SNX29: variants seen among roughly 807,000 people sequenced by gnomAD.
SNX29 encodes sorting nexin-29.
In SNX29, 78 loss-of-function variants were observed where a neutral mutation model predicts 102.1. The ratio of observed to expected loss-of-function variants is 0.76; its 90% CI spans 0.64 to 0.92. The LOEUF is 0.92. Among genes scored for constraint, SNX29 ranks in the 40% least tolerant of loss-of-function variants. The pLI, the probability that SNX29 is intolerant of heterozygous loss-of-function variation, is 0.00. For missense variants in SNX29, 1,280 were observed against 1,061.7 expected (o/e 1.21, Z -2.86); for synonymous variants, 580 against 414.5 (o/e 1.40, Z -4.85).
At chr16:12,195,740 A>G (rs1226749306) in intron 13 of SNX29, among the ~76,000 whole-genome samples, 2 of 152,196 alleles carry the variant, frequency 1.3e-5, no homozygotes, top group Non-Finnish European at 1.5e-5. Context: ...GTTAAAGGAT[A>G]TGGGTTTAAA....
At chr16:12,094,336 G>A (rs564164204) in intron 11 of SNX29, among the ~76,000 whole-genome samples, 33 of 152,194 alleles carry the variant, frequency 2.2e-4, no homozygotes, top group Non-Finnish European at 4.0e-4. Flanking sequence ...ACTGGTAGGT[G>A]TGATCATTAA....
chr16:12,474,176 C>G (rs1018527241), intron 18 of SNX29, among the ~76,000 whole-genome samples: 4 of 152,130 alleles, frequency 2.6e-5, no homozygotes, highest in Admixed American at 6.5e-5. Context: ...GTGATCTGAC[C>G]TCTCTGAGCC....
chr16:12,353,106 C>G (rs1370578729), intron 15 of SNX29, among the ~76,000 whole-genome samples: 2 of 152,148 alleles, frequency 1.3e-5, no homozygotes, highest in African/African-American at 4.8e-5. Context: ...CTCCGAGTCA[C>G]TCTAGCATAA....
In SNX29 at chr16:12,330,529, C is replaced by T. The variant is rs192959612; in HGVS notation, c.1783-25634C>T. Among the ~76,000 whole-genome samples the T allele has an allele frequency of 2.2e-3, 338 of 152,302 alleles. 1 individual carries two copies. The highest frequency in any genetic ancestry group is 7.8e-3 in the African/African-American group (323 of 41,576). ...CGCTTTCACTGCGAACTGTTTAATC[C>T]TCCCGACAGCTCTGGACGACAGGTG... On this transcript the variant is annotated intron_variant, in intron 15 of 20. Transcript: ENST00000566228.
At chr16:12,481,864 C>T (rs2087952086) in intron 19 of SNX29, among the ~76,000 whole-genome samples, 1 of 152,168 alleles carries the variant, frequency 6.6e-6, no homozygotes, top group African/African-American at 2.4e-5. Flanking sequence ...CCTTTGATTC[C>T]TTCTTTCTTT....
intron 15 of SNX29, among the ~76,000 whole-genome samples, chr16:12,310,072 A>G (rs1044676748): frequency 6.6e-6 from 1 of 151,756 alleles, no homozygotes; most frequent in African/African-American, 2.4e-5. Flanking sequence ...GCACGCACAT[A>G]CATACACATG....
chr16:12,468,370 T>G (rs1395855702), intron 18 of SNX29, among the ~76,000 whole-genome samples: 1 of 151,968 alleles, frequency 6.6e-6, no homozygotes, highest in Non-Finnish European at 1.5e-5. Context: ...AGACGGGGTT[T>G]CACCATGTTG....
chr16:12,319,034 G>C (rs144720457), intron 15 of SNX29, among the ~76,000 whole-genome samples: 3 of 152,116 alleles, frequency 2.0e-5, no homozygotes, highest in Non-Finnish European at 4.4e-5. Flanking sequence ...TGGAGGCCTG[G>C]GGAGTTTCTT....
intron 20 of SNX29, among the ~76,000 whole-genome samples, chr16:12,541,614 A>G (rs953380308): frequency 6.6e-6 from 1 of 152,070 alleles, no homozygotes; most frequent in Non-Finnish European, 1.5e-5. Flanking sequence ...TCTGGGCCAC[A>G]TCTCTGTCGG....
intron 16 of SNX29, among the ~76,000 whole-genome samples, chr16:12,379,628 A>C (rs1238723381): frequency 6.6e-6 from 1 of 152,230 alleles, no homozygotes; most frequent in Non-Finnish European, 1.5e-5. Flanking sequence ...GGTGATTATA[A>C]AAGGGATGTT....
At chr16:12,213,152 G>A (rs548458633) in intron 14 of SNX29, among the ~76,000 whole-genome samples, 5 of 152,080 alleles carry the variant, frequency 3.3e-5, no homozygotes, top group East Asian at 3.9e-4. Flanking sequence ...AAAACTACTC[G>A]GACATAAAGA....
At chr16:12,457,686 T>C (rs1272312693) in intron 18 of SNX29, among the ~76,000 whole-genome samples, 1 of 152,220 alleles carries the variant, frequency 6.6e-6, no homozygotes, top group Non-Finnish European at 1.5e-5. Flanking sequence ...TGGCACACGT[T>C]AGCCTCTGCC....
At chr16:12,271,714 C>T (rs993132383) in intron 14 of SNX29, among the ~76,000 whole-genome samples, 2 of 151,984 alleles carry the variant, frequency 1.3e-5, no homozygotes, top group Admixed American at 6.5e-5. Flanking sequence ...CCTCCGCCTC[C>T]TGGGTTCAAG....
At position 12,277,952 on chromosome 16, in the gene SNX29, T is replaced by C; in HGVS notation, c.1698T>C (p.Val566=). The change falls in exon 15 of 21, where the codon GTT becomes GTC. Residue 566 remains valine, a synonymous_variant. Transcript: ENST00000566228. ...CTAAAGTGCCAAATCTTTGGAGTGT[T>C]GATGGAGAAGTTACAGTAGCTGAAC... The part of the protein sequence containing the change: ...QTAEVPNLWS[V]DGEVTVAEQK... The C allele has an allele frequency of 6.2e-7, 1 of 1,608,550 alleles. No homozygotes were observed. Among genetic ancestry groups the C allele is most frequent in the Non-Finnish European group, 8.5e-7 (1 of 1,177,420 alleles).
At chr16:12,127,667 C>A (rs1250902345) in intron 12 of SNX29, among the ~76,000 whole-genome samples, 3 of 152,104 alleles carry the variant, frequency 2.0e-5, no homozygotes, top group African/African-American at 7.2e-5. Context: ...AGTAATCTGC[C>A]CACCTTGGCC....
intron 16 of SNX29, chr16:12,373,788 A>G (rs563167860): frequency 5.4e-4 from 83 of 152,358 alleles, no homozygotes; most frequent in African/African-American, 2.0e-3. Flanking sequence ...GAAATGAAGC[A>G]TTCTGTGCCT....
In SNX29 at chr16:12,476,421, T is replaced by TATATATATAC. The variant is rs2087639179; in HGVS notation, c.2038-1289_2038-1288insCATATATATA. ...ATATATATATATATATACATATATATATATATATATATATATATATATGAT... is the reference window on the plus strand; with the variant it reads ...ATATATATATATATATACATATATATATATATATACATATATATATATATATATATATGAT... On this transcript the variant is annotated intron_variant, in intron 18 of 20. Coordinates refer to ENST00000566228, the MANE Select transcript of SNX29 (RefSeq NM_032167.5). Among the ~76,000 whole-genome samples, 32 of 51,950 alleles carry TATATATATAC rather than the reference T, an allele frequency of 6.2e-4. 1 individual carries two copies. Among genetic ancestry groups the TATATATATAC allele is most frequent in the Non-Finnish European group, 1.1e-3 (28 of 26,330 alleles). The allele number at this position is 51,950 out of a possible 152,430, so 34.1% of individuals were successfully genotyped here. A position where few individuals can be genotyped will look rare whatever the true frequency, so the allele number is the denominator to read the frequency against.
At chr16:12,338,317 T>A (rs148556604) in intron 15 of SNX29, among the ~76,000 whole-genome samples, 2 of 152,244 alleles carry the variant, frequency 1.3e-5, no homozygotes, top group African/African-American at 4.8e-5. Flanking sequence ...AAGTACACTC[T>A]GTTCAGAACC....
chr16:12,327,495 C>G (rs1035950542), intron 15 of SNX29, among the ~76,000 whole-genome samples: 2 of 152,148 alleles, frequency 1.3e-5, no homozygotes, highest in East Asian at 3.9e-4. Context: ...TGTGGTCTTT[C>G]TTCTCTGCAT....
Sources: gnomAD v4.1 joint callset for allele counts (sites outside exome capture counted in the v4.1 genomes callset) on GRCh38, gnomAD v4.1.1 for gene constraint, MANE v1.5 for transcripts, NCBI Gene and HGNC (gene_info 2026-07-23, HGNC 2026-07-21) for gene names.